Variants in EPSTI1 observed in about 807,000 individuals in gnomAD.
EPSTI1 encodes epithelial stromal interaction 1.
Under a neutral mutation model 49.9 loss-of-function variants are expected in EPSTI1, and 66 were observed. The ratio of observed to expected loss-of-function variants is 1.32; its 90% confidence interval spans 1.08 to 1.62. The LOEUF is 1.62. Ranked by LOEUF, EPSTI1 falls within the 40% of genes most tolerant of loss-of-function variation. EPSTI1 has a pLI of 0.00. For synonymous variants in EPSTI1, 137 were observed against 130.7 expected (o/e 1.05, Z -0.33); for missense variants, 394 against 365.5 (o/e 1.08, Z -0.64).
intron 8 of EPSTI1, among the ~76,000 whole-genome samples, chr13:42,906,303 T>G (rs1439315261): frequency 6.6e-6 from 1 of 152,208 alleles, no homozygotes; most frequent in Non-Finnish European, 1.5e-5. Context: ...AGCTGGATGC[T>G]TAAGAAATGT....
chr13:42,955,891 A>T lies in EPSTI1; in HGVS notation c.490-1870T>A, dbSNP rs554938422. The stretch of plus-strand genomic sequence containing the variant: ...GAAGAAGTATTTGGGGGGGGGGGGA[A>T]GTAGTAGTAGTAGTATTTCTGGAGT... On this transcript the variant is annotated intron_variant, in intron 5 of 10. Transcript: ENST00000313624. Among the ~76,000 whole-genome samples the T allele has an allele frequency of 1.3e-3, 169 of 125,212 alleles. 1 individual carries two copies. The highest frequency in any genetic ancestry group is 4.8e-3 in the African/African-American group (154 of 32,188). The allele number at this position is 125,212 out of a possible 152,430, so 82.1% of individuals were successfully genotyped here. A position where few individuals can be genotyped will look rare whatever the true frequency, so the allele number is the denominator to read the frequency against.
At chr13:42,921,624 T>C (rs2037997063) in intron 7 of EPSTI1, among the ~76,000 whole-genome samples, 1 of 152,328 alleles carries the variant, frequency 6.6e-6, no homozygotes, top group Admixed American at 6.5e-5. Context: ...CAACCTTGGC[T>C]GCACATTAGA....
intron 6 of EPSTI1, among the ~76,000 whole-genome samples, chr13:42,952,396 C>T (rs2039128482): frequency 6.6e-6 from 1 of 152,192 alleles, no homozygotes; most frequent in Non-Finnish European, 1.5e-5. Flanking sequence ...GGAACCAACT[C>T]CAGACACAAA....
At chr13:42,917,679 G>T in intron 7 of EPSTI1, 55 bp from the exon 8 acceptor site, 1 of 1,299,398 alleles carries the variant, frequency 7.7e-7, no homozygotes, top group Non-Finnish European at 1.1e-6. Flanking sequence ...AGGATAAAGG[G>T]TTGTCACAGT....
intron 10 of EPSTI1, among the ~76,000 whole-genome samples, chr13:42,890,588 G>A (rs941986850): frequency 1.3e-5 from 2 of 152,012 alleles, no homozygotes; most frequent in South Asian, 4.1e-4. Flanking sequence ...GTGAGCTACC[G>A]CTCCCGGCTA....
At chr13:42,915,301 G>A (rs2153417337) in intron 8 of EPSTI1, among the ~76,000 whole-genome samples, 1 of 152,168 alleles carries the variant, frequency 6.6e-6, no homozygotes, top group East Asian at 1.9e-4. Context: ...GGAGGCCAAG[G>A]CAGGTGGATC....
At chr13:42,955,803 A>G (rs548607603) in intron 5 of EPSTI1, among the ~76,000 whole-genome samples, 1 of 147,346 alleles carries the variant, frequency 6.8e-6, no homozygotes, top group East Asian at 2.0e-4. Flanking sequence ...ACTCCATCTC[A>G]GAAGAAAAAC....
intron 1 of EPSTI1, among the ~76,000 whole-genome samples, chr13:42,976,717 G>A (rs1439995208): frequency 6.6e-6 from 1 of 152,128 alleles, no homozygotes; most frequent in Non-Finnish European, 1.5e-5. Flanking sequence ...ACTTAGAAAT[G>A]AAATTCATGT....
chr13:42,916,955 A>G (rs2037847402), intron 8 of EPSTI1, among the ~76,000 whole-genome samples: 1 of 152,152 alleles, frequency 6.6e-6, no homozygotes, highest in East Asian at 1.9e-4. Flanking sequence ...CAGTTACCAT[A>G]CCAGAAATTT....
chr13:42,964,113 T>A lies in EPSTI1; in HGVS notation c.358A>T (p.Arg120Ter), dbSNP rs1451671470. The A allele has an allele frequency of 6.2e-7, 1 of 1,613,590 alleles. No individual in the cohort carries two copies. The highest frequency in any genetic ancestry group is 8.5e-7 in the Non-Finnish European group (1 of 1,179,722). ...LGGSQSETEV[R>*]QKQQLQLMQS... ...ATCAGCTGGAGTTGTTGTTTCTGTC[T>A]GACTTCAGTTTCTGACTGGCTTCCA... The change falls in exon 4 of 11, where the codon AGA becomes TGA. Residue 120 changes from arginine to a stop codon, truncating the protein, a stop_gained. Transcript: ENST00000313624. LOFTEE classifies it high-confidence loss of function.
intron 6 of EPSTI1, among the ~76,000 whole-genome samples, chr13:42,943,523 A>G (rs2038826695): frequency 6.6e-6 from 1 of 152,208 alleles, no homozygotes; most frequent in Admixed American, 6.5e-5. Flanking sequence ...GAGGTTAAAT[A>G]ATGTCCTATT....
intron 10 of EPSTI1, among the ~76,000 whole-genome samples, chr13:42,889,445 G>T (rs2036965115): frequency 6.6e-6 from 1 of 152,016 alleles, no homozygotes; most frequent in Admixed American, 6.6e-5. Flanking sequence ...TCTTTCCATG[G>T]CTTGGTTTTA....
intron 8 of EPSTI1, among the ~76,000 whole-genome samples, chr13:42,917,098 CTGTATG>C (rs1318959583): frequency 6.6e-5 from 10 of 152,302 alleles, no homozygotes; most frequent in East Asian, 1.9e-4. Flanking sequence ...CTTGGTTTTA[CTGTATG>C]TGTATAACTA....
intron 6 of EPSTI1, chr13:42,934,835 T>G (rs1397276025): frequency 4.8e-6 from 1 of 206,688 alleles, no homozygotes; most frequent in Non-Finnish European, 1.0e-5. Flanking sequence ...GGAGCAAACT[T>G]TGAGAGATCT....
chr13:42,956,979 A>G (rs989667186), intron 5 of EPSTI1, among the ~76,000 whole-genome samples: 5 of 152,182 alleles, frequency 3.3e-5, no homozygotes, highest in African/African-American at 4.8e-5. Context: ...TTATAGCAAC[A>G]TGGAGGTTAA....
At chr13:42,961,528 T>C (rs1439331563) in intron 5 of EPSTI1, among the ~76,000 whole-genome samples, 1 of 152,202 alleles carries the variant, frequency 6.6e-6, no homozygotes, top group African/African-American at 2.4e-5. Flanking sequence ...TTTGTACCCA[T>C]AGGATTAACT....
chr13:42,963,558 C>G, intron 4 of EPSTI1: 2 of 556,550 alleles, frequency 3.6e-6, no homozygotes, highest in East Asian at 6.1e-5. Context: ...CTTGGTCTGT[C>G]TCTTTTTCAA....
chr13:42,911,276 CGCGCACACGTGTGTGAGTGTGCACAT>C (rs144445281), intron 8 of EPSTI1, among the ~76,000 whole-genome samples: 18,796 of 146,114 alleles, frequency 0.13, 1,475 homozygotes, highest in East Asian at 0.28. Flanking sequence ...CGCGCGCACG[CGCGCACACGTGTGTGAGTGTGCACAT>C]GCTTCCTTTA....
intron 8 of EPSTI1, among the ~76,000 whole-genome samples, chr13:42,906,141 C>T (rs2037492997): frequency 6.6e-6 from 1 of 152,144 alleles, no homozygotes; most frequent in Non-Finnish European, 1.5e-5. Context: ...CAGGATGGCA[C>T]CAATAGCTCT....
Sources: gnomAD v4.1 joint callset for allele counts (sites outside exome capture counted in the v4.1 genomes callset) on GRCh38, gnomAD v4.1.1 for gene constraint, MANE v1.5 for transcripts, NCBI Gene and HGNC (gene_info 2026-07-23, HGNC 2026-07-21) for gene names.